The following KCNMA1 variants were observed in gnomAD, a reference collection of about 807,000 sequenced individuals.
KCNMA1 encodes potassium calcium-activated channel subfamily M alpha 1.
A neutral mutation model predicts 140.0 loss-of-function variants in KCNMA1; 29 were observed. The ratio of observed to expected loss-of-function variants is 0.21; its 90% CI spans 0.15 to 0.28. The LOEUF (loss-of-function observed/expected upper bound fraction) is 0.28. Among genes scored for constraint, KCNMA1 ranks in the 10% least tolerant of loss-of-function variants. The pLI, the probability that KCNMA1 is intolerant of heterozygous loss-of-function variation, is 1.00. For missense variants in KCNMA1, 880 were observed against 1,602.2 expected, an observed-to-expected ratio of 0.55 and a Z score of 7.70; for synonymous variants, 612 against 611.9, an observed-to-expected ratio of 1.00 and a Z score of 0.00.
chr10:76,900,695 C>G (rs1308699286), intron 25 of KCNMA1, among the ~76,000 whole-genome samples: 1 of 151,930 alleles, frequency 6.6e-6, no homozygotes, highest in African/African-American at 2.4e-5. Flanking sequence ...TATGTATTTA[C>G]ATCATTATAT....
intron 5 of KCNMA1, among the ~76,000 whole-genome samples, chr10:77,179,534 G>A (rs953687927): frequency 6.6e-6 from 1 of 152,172 alleles, no homozygotes; most frequent in Admixed American, 6.5e-5. Context: ...CCTGCCTGGA[G>A]TGAAGCCCTT....
chr10:77,309,829 T>A (rs1216321608), intron 2 of KCNMA1, among the ~76,000 whole-genome samples: 1 of 152,190 alleles, frequency 6.6e-6, no homozygotes, highest in East Asian at 1.9e-4. Flanking sequence ...TGGCCTGGGA[T>A]GAGTCCCACA....
chr10:77,067,386 T>C (rs566369465), intron 14 of KCNMA1, among the ~76,000 whole-genome samples: 15 of 152,330 alleles, frequency 9.8e-5, no homozygotes, highest in Admixed American at 5.2e-4. Context: ...ACAGAGACTA[T>C]ACCATCTTCT....
intron 2 of KCNMA1, among the ~76,000 whole-genome samples, chr10:77,378,992 G>C (rs1283900716): frequency 6.6e-6 from 1 of 152,142 alleles, no homozygotes; most frequent in Non-Finnish European, 1.5e-5. Flanking sequence ...TCAGTTACAA[G>C]CAACAAGATG....
intron 1 of KCNMA1, among the ~76,000 whole-genome samples, chr10:77,633,293 T>C (rs2154571449): frequency 6.6e-6 from 1 of 151,618 alleles, no homozygotes; most frequent in South Asian, 2.1e-4. Flanking sequence ...CCAGCCTGGG[T>C]GACAGAGCGA....
intron 1 of KCNMA1, chr10:77,636,414 G>C (rs570703968): frequency 1.3e-6 from 2 of 1,535,998 alleles, no homozygotes; most frequent in Non-Finnish European, 1.7e-6. Context: ...TAGCCACCTC[G>C]AGCGCCAGGG....
intron 1 of KCNMA1, among the ~76,000 whole-genome samples, chr10:77,475,299 G>A (rs1360825121): frequency 6.6e-6 from 1 of 152,172 alleles, no homozygotes; most frequent in Non-Finnish European, 1.5e-5. Flanking sequence ...CAACTCCCTG[G>A]GCAAGGCAAG....
chr10:77,344,183 C>T (rs900369998), intron 2 of KCNMA1, among the ~76,000 whole-genome samples: 2 of 152,206 alleles, frequency 1.3e-5, no homozygotes, highest in South Asian at 2.1e-4. Flanking sequence ...CTAACTGCCT[C>T]GGCCACCAGC....
chr10:76,942,175 T>A (rs539633885), intron 23 of KCNMA1, among the ~76,000 whole-genome samples: 1 of 152,212 alleles, frequency 6.6e-6, no homozygotes, highest in East Asian at 1.9e-4. Flanking sequence ...GGTTTCGCCA[T>A]GTTGGCCAAG....
intron 12 of KCNMA1, among the ~76,000 whole-genome samples, chr10:77,080,895 A>G (rs984785826): frequency 2.0e-5 from 3 of 152,234 alleles, no homozygotes; most frequent in African/African-American, 4.8e-5. Flanking sequence ...ATCACAAAAA[A>G]TGATTTCTAA....
intron 3 of KCNMA1, among the ~76,000 whole-genome samples, chr10:77,186,542 C>T (rs916360053): frequency 2.6e-5 from 4 of 151,942 alleles, no homozygotes; most frequent in Non-Finnish European, 5.9e-5. Flanking sequence ...GTACTAATTT[C>T]GATGAAAAAA....
chr10:77,002,426 A>G (rs1311229516), intron 18 of KCNMA1, among the ~76,000 whole-genome samples: 2 of 152,200 alleles, frequency 1.3e-5, no homozygotes, highest in African/African-American at 4.8e-5. Context: ...CTCCCCACCA[A>G]ATAGAAATTC....
At chr10:77,430,660 T>C (rs1044656832) in intron 1 of KCNMA1, among the ~76,000 whole-genome samples, 10 of 152,152 alleles carry the variant, frequency 6.6e-5, no homozygotes, top group African/African-American at 2.4e-4. Context: ...CAGACATAGT[T>C]GAGAAGGACC....
chr10:77,434,497 C>T (rs2097215649), intron 1 of KCNMA1, among the ~76,000 whole-genome samples: 1 of 152,164 alleles, frequency 6.6e-6, no homozygotes, highest in Admixed American at 6.5e-5. Context: ...GCGAGAGGCT[C>T]CCCTATTAGC....
Position 76,985,014 on chromosome 10 carries a change from C to T in KCNMA1, c.2267-14947G>A, listed in dbSNP as rs140046995. 3.5e-3 allele frequency among the ~76,000 whole-genome samples: 538 copies of T among 152,318 alleles called. 2 individuals are homozygous for T. Among genetic ancestry groups the T allele is most frequent in the African/African-American group, 0.012 (490 of 41,570 alleles). ...AAAAGCAGCGCCACCTGCTGGTGGACCTGCATGTCAGGCCCTTCTGCGGCT... is the reference window on the plus strand; with the variant it reads ...AAAAGCAGCGCCACCTGCTGGTGGATCTGCATGTCAGGCCCTTCTGCGGCT... On this transcript the variant is annotated intron_variant, in intron 19 of 27. Transcript: ENST00000286628.
At chr10:77,572,044 G>T (rs1157583765) in intron 1 of KCNMA1, among the ~76,000 whole-genome samples, 6 of 152,226 alleles carry the variant, frequency 3.9e-5, no homozygotes, top group East Asian at 1.9e-4. Flanking sequence ...CTGAAATGCT[G>T]TAAGAAGGTA....
intron 1 of KCNMA1, among the ~76,000 whole-genome samples, chr10:77,593,027 T>G (rs1477513450): frequency 3.9e-5 from 6 of 152,210 alleles, no homozygotes; most frequent in African/African-American, 1.4e-4. Context: ...CTCCTCTCTT[T>G]GACCCTGTGC....
At chr10:77,483,255 C>A (rs1007477017) in intron 1 of KCNMA1, among the ~76,000 whole-genome samples, 1 of 152,168 alleles carries the variant, frequency 6.6e-6, no homozygotes, top group African/African-American at 2.4e-5. Flanking sequence ...CTGCTCCGAC[C>A]CTTCTCCTCT....
At position 77,259,662 on chromosome 10, in the gene KCNMA1, G is replaced by A. The variant is rs1011244743; in HGVS notation, c.541-8406C>T. Among the ~76,000 whole-genome samples, 6 of 152,024 alleles carry A rather than the reference G, an allele frequency of 3.9e-5. No individual in the cohort carries two copies. The East Asian group carries it at 5.8e-4, about 15-fold the overall frequency. ...CCACCCCAACCACCACAGAGCCTTC[G>A]CACAAGCACTTTCCTCCTCCCAGAA... On this transcript the variant is annotated intron_variant, in intron 2 of 27. Transcript: ENST00000286628.
Sources: gnomAD v4.1 joint callset for allele counts (sites outside exome capture counted in the v4.1 genomes callset) on GRCh38, gnomAD v4.1.1 for gene constraint, MANE v1.5 for transcripts, NCBI Gene and HGNC (gene_info 2026-07-23, HGNC 2026-07-21) for gene names.